Variants in FGF13 observed in about 807,000 individuals in gnomAD.
The protein encoded by FGF13 is fibroblast growth factor homologous factor 2.
A neutral mutation model predicts 19.5 loss-of-function variants in FGF13; 2 were observed. That is an observed-to-expected ratio of 0.10 (90% confidence interval 0.04 to 0.32). The LOEUF (loss-of-function observed/expected upper bound fraction) is 0.32, where lower values mean the gene tolerates loss of function less well. Among genes scored for constraint, FGF13 ranks in the 10% least tolerant of loss-of-function variants. The pLI is 1.00. For synonymous variants in FGF13, 72 were observed against 76.9 expected, an observed-to-expected ratio of 0.94 and a Z score of 0.33; for missense variants, 113 against 192.7, an observed-to-expected ratio of 0.59 and a Z score of 2.45.
Position 139,060,320 on chromosome X carries a change from G to A in FGF13, c.-113+143096C>T, listed in dbSNP as rs111505820. Among the ~76,000 whole-genome samples, 157 of 110,692 alleles carry A rather than the reference G, an allele frequency of 1.4e-3. 1 individual carries two copies. Among genetic ancestry groups the A allele is most frequent in the African/African-American group, 5.0e-3 (153 of 30,548 alleles). On this transcript the variant is annotated intron_variant, in intron 1 of 2. Transcript: ENST00000421460. ...AGGTATATTTCTAGATCTAATATGG[G>A]TTTTGCTGCTATAGTGAATGGGAGT...
At position 139,109,808 on chromosome X, in the gene FGF13, G is replaced by A. The variant is rs184950579; in HGVS notation, c.-113+93608C>T. 5.6e-3 allele frequency among the ~76,000 whole-genome samples: 630 copies of A among 111,688 alleles called. 8 individuals are homozygous for A. The highest frequency in any genetic ancestry group is 0.02 in the African/African-American group (600 of 30,736). ...GGTGCCCTATACAAATCAACCTAAG[G>A]AGACCTTAGGGATATAAACTGGAAA... On this transcript the variant is annotated intron_variant, in intron 1 of 2. Transcript: ENST00000421460.
At chrX:139,066,951 T>C (rs1295176499) in intron 1 of FGF13, among the ~76,000 whole-genome samples, 1 of 111,579 alleles carries the variant, frequency 9.0e-6, no homozygotes, top group Admixed American at 9.6e-5. Flanking sequence ...GTCGGCTTCA[T>C]CCCTCGGATG....
rs1418617767 is a variant in FGF13 at position 138,865,432 on chromosome X, TTCTCTCTCTCTCTCTCTCCTCTC to T, written c.-112-805_-112-783del. 9.1e-5 allele frequency among the ~76,000 whole-genome samples: 9 copies of T among 99,062 alleles called. No individual in the cohort carries two copies. In the East Asian group the frequency reaches 1.3e-3, roughly 14 times the overall value. 86.0% of individuals were successfully genotyped at this position (99,062 alleles called of 115,157 possible). A position where few individuals can be genotyped will look rare whatever the true frequency, so the allele number is the denominator to read the frequency against. On this transcript the variant is annotated intron_variant, in intron 1 of 2. Transcript: ENST00000421460. ...TCTCCAGTGAAAATTCCTCTCTCTC[TTCTCTCTCTCTCTCTCTCCTCTC>T]TCTCTCTCTCTCTCTCTCCTCTCTC...
At chrX:138,647,264 T>C (rs7880951) in intron 3 of FGF13, among the ~76,000 whole-genome samples, 4,019 of 108,247 alleles carry the variant, frequency 0.037, 152 homozygotes, top group African/African-American at 0.13. Context: ...CTTGAGAAGT[T>C]CAAGATTGGT....
chrX:139,041,248 T>G (rs2092268888), intron 1 of FGF13, among the ~76,000 whole-genome samples: 1 of 110,812 alleles, frequency 9.0e-6, no homozygotes, highest in African/African-American at 3.3e-5. Context: ...TCTAAGAAAA[T>G]AGAAGCTTAG....
chrX:138,675,649 T>C (rs2089657645), intron 3 of FGF13, among the ~76,000 whole-genome samples: 1 of 111,758 alleles, frequency 8.9e-6, no homozygotes, highest in Admixed American at 9.6e-5. Flanking sequence ...TTATTCTTAA[T>C]TTTACTCCTT....
At chrX:138,712,570 C>G (rs1039101584), upstream of FGF13, among the ~76,000 whole-genome samples, 2 of 111,872 alleles carry the variant, frequency 1.8e-5, no homozygotes, top group Non-Finnish European at 3.8e-5. Context: ...GTTCTGTCCT[C>G]TCCCTGTGTT....
intron 1 of FGF13, among the ~76,000 whole-genome samples, chrX:139,007,735 C>T (rs1026094061): frequency 8.9e-6 from 1 of 112,260 alleles, no homozygotes; most frequent in African/African-American, 3.2e-5. Flanking sequence ...TGTGTAGAGA[C>T]TCACATCGTG....
intron 1 of FGF13, among the ~76,000 whole-genome samples, chrX:139,042,489 T>C (rs990920898): frequency 7.1e-5 from 8 of 112,284 alleles, no homozygotes; most frequent in Non-Finnish European, 1.5e-4. Flanking sequence ...ATGATGATGG[T>C]AAATTCAGTT....
chrX:138,981,468 T>C (rs759945252), intron 1 of FGF13, among the ~76,000 whole-genome samples: 16 of 111,427 alleles, frequency 1.4e-4, no homozygotes, highest in Non-Finnish European at 2.4e-4. Flanking sequence ...AATGATCCTA[T>C]TTTGAGCAAC....
At chrX:139,002,985 T>C (rs1161392731) in intron 1 of FGF13, among the ~76,000 whole-genome samples, 1 of 111,981 alleles carries the variant, frequency 8.9e-6, no homozygotes, top group Non-Finnish European at 1.9e-5. Flanking sequence ...ACTCCTTCTG[T>C]TTGGGAAAAG....
At chrX:139,191,025 G>A (rs1326860601) in intron 1 of FGF13, among the ~76,000 whole-genome samples, 1 of 111,728 alleles carries the variant, frequency 9.0e-6, no homozygotes, top group African/African-American at 3.3e-5. Context: ...TCCACATTCG[G>A]CATTTGAGTT....
At chrX:139,133,435 T>C (rs181540232) in intron 1 of FGF13, among the ~76,000 whole-genome samples, 414 of 109,054 alleles carry the variant, frequency 3.8e-3, no homozygotes, top group African/African-American at 0.013. Flanking sequence ...CTGGTGGTTG[T>C]TGTACAGATT....
At chrX:139,164,981 G>C (rs1188167018) in intron 1 of FGF13, among the ~76,000 whole-genome samples, 3 of 111,525 alleles carry the variant, frequency 2.7e-5, no homozygotes, top group South Asian at 3.7e-4. Flanking sequence ...GGAGACTCTG[G>C]GGAGGGCTCA....
At chrX:139,177,226 T>C (rs1337194926) in intron 1 of FGF13, among the ~76,000 whole-genome samples, 1 of 97,647 alleles carries the variant, frequency 1.0e-5, no homozygotes, top group Non-Finnish European at 2.0e-5. Context: ...GAGACTAGGA[T>C]TGCAACCCCT....
chrX:138,918,203 G>C (rs1012900739), intron 1 of FGF13, among the ~76,000 whole-genome samples: 1 of 110,084 alleles, frequency 9.1e-6, no homozygotes, highest in Non-Finnish European at 1.9e-5. Flanking sequence ...TTGTGCTTCA[G>C]TATTATTTTA....
chrX:139,004,280 C>A (rs1352454668), intron 1 of FGF13, among the ~76,000 whole-genome samples: 1 of 112,939 alleles, frequency 8.9e-6, no homozygotes, highest in Non-Finnish European at 1.9e-5. Context: ...TGATAAGTCC[C>A]TCATTGCCCG....
At chrX:138,843,972 A>G (rs1300857357) in intron 3 of FGF13, among the ~76,000 whole-genome samples, 1 of 111,712 alleles carries the variant, frequency 9.0e-6, no homozygotes, top group Admixed American at 9.5e-5. Context: ...GCCTAATTAC[A>G]TAGACTCTAT....
At chrX:139,084,995 A>T (rs1023333609) in intron 1 of FGF13, among the ~76,000 whole-genome samples, 1 of 111,640 alleles carries the variant, frequency 9.0e-6, no homozygotes, top group Non-Finnish European at 1.9e-5. Flanking sequence ...CTCTAGTCTT[A>T]CTTTGGGAAA....
Sources: gnomAD v4.1 joint callset for allele counts (sites outside exome capture counted in the v4.1 genomes callset) on GRCh38, gnomAD v4.1.1 for gene constraint, MANE v1.5 for transcripts, NCBI Gene and HGNC (gene_info 2026-07-23, HGNC 2026-07-21) for gene names.